THSD7A: variants seen among roughly 807,000 people sequenced by gnomAD.
The protein encoded by THSD7A is thrombospondin type 1 domain containing 7A, also known as thrombospondin type-1 domain-containing protein 7A.
THSD7A carries 96 observed loss-of-function variants against 231.3 expected under a neutral mutation model. The observed-to-expected ratio is 0.41, with a 90% CI of 0.35 to 0.49. The LOEUF (loss-of-function observed/expected upper bound fraction) is 0.49. Ranked by LOEUF, THSD7A falls within the 20% of genes least tolerant of loss-of-function variation. The probability of loss-of-function intolerance (pLI) is 0.05; values close to 1 mark genes in which losing one functional copy is unlikely to be tolerated. For missense variants in THSD7A, 2,290 were observed against 2,070.2 expected (o/e 1.11, Z -2.06); for synonymous variants, 940 against 743.3 (o/e 1.26, Z -4.30).
chr7:11,784,794 T>C (rs950125405), intron 1 of THSD7A, among the ~76,000 whole-genome samples: 34 of 152,118 alleles, frequency 2.2e-4, no homozygotes, highest in Admixed American at 2.1e-3. Flanking sequence ...TTTTTGAATA[T>C]ATATTGTTGC....
At chr7:11,498,515 G>T (rs1447914706) in intron 6 of THSD7A, among the ~76,000 whole-genome samples, 4 of 152,168 alleles carry the variant, frequency 2.6e-5, no homozygotes. Flanking sequence ...GGAAGGGTGG[G>T]CCACCATCTT....
chr7:11,678,020 T>A (rs1466191521), intron 1 of THSD7A, among the ~76,000 whole-genome samples: 1 of 152,048 alleles, frequency 6.6e-6, no homozygotes, highest in Non-Finnish European at 1.5e-5. Context: ...GCAATCAAAT[T>A]AGAACTCAGG....
chr7:11,429,079 C>A lies in THSD7A; in HGVS notation c.3111G>T (p.Lys1037Asn). The change falls in exon 14 of 28, where the codon AAG becomes AAT. Residue 1037 changes from lysine (K) to asparagine (N), a missense_variant. By Grantham distance (94) the Lys-to-Asn change is moderately conservative. Coordinates refer to ENST00000423059, the MANE Select transcript of THSD7A (RefSeq NM_015204.3). ...ACIIPCPSDC[K>N]LSEWSNWSRC... ...GCGACCAGTTGGACCACTCACTGAGCTTGCAGTCTGAGGGGCAGGGGATGA... is the reference window on the plus strand; with the variant it reads ...GCGACCAGTTGGACCACTCACTGAGATTGCAGTCTGAGGGGCAGGGGATGA... The A allele has an allele frequency of 6.2e-7, 1 of 1,611,446 alleles. No individual in the cohort carries two copies. The highest frequency in any genetic ancestry group is 2.2e-5 in the East Asian group (1 of 44,772).
chr7:11,481,387 T>C (rs1014509767), intron 7 of THSD7A, among the ~76,000 whole-genome samples: 1 of 152,162 alleles, frequency 6.6e-6, no homozygotes, highest in African/African-American at 2.4e-5. Flanking sequence ...TGGATATATA[T>C]ACTTATTTAT....
chr7:11,758,394 C>G (rs190620733), intron 1 of THSD7A, among the ~76,000 whole-genome samples: 21 of 152,020 alleles, frequency 1.4e-4, no homozygotes, highest in South Asian at 8.3e-4. Flanking sequence ...CAGAGGAACT[C>G]AGATGCAGAA....
At chr7:11,417,724 G>A in intron 16 of THSD7A, 121 bp from the exon 17 acceptor site, 1 of 980,572 alleles carries the variant, frequency 1.0e-6, no homozygotes, top group Non-Finnish European at 1.4e-6. Flanking sequence ...TCGTTATGGG[G>A]GTGGGGAGTA....
At chr7:11,739,304 A>G (rs887890445) in intron 1 of THSD7A, among the ~76,000 whole-genome samples, 2 of 152,022 alleles carry the variant, frequency 1.3e-5, no homozygotes, top group Non-Finnish European at 2.9e-5. Flanking sequence ...TGGAATTAAA[A>G]TTTAAGACAG....
intron 1 of THSD7A, among the ~76,000 whole-genome samples, chr7:11,803,708 A>G (rs1468530116): frequency 1.3e-5 from 2 of 152,126 alleles, no homozygotes; most frequent in Non-Finnish European, 2.9e-5. Flanking sequence ...CTTTAATTCT[A>G]TGTATTGTTT....
intron 4 of THSD7A, among the ~76,000 whole-genome samples, chr7:11,565,319 A>C (rs530228562): frequency 6.6e-6 from 1 of 152,340 alleles, no homozygotes; most frequent in African/African-American, 2.4e-5. Flanking sequence ...AAAGTTCTGC[A>C]AACAGCTCCA....
Position 11,769,159 on chromosome 7 carries a change from T to A in THSD7A, c.190+62598A>T, listed in dbSNP as rs1172654466. Among the ~76,000 whole-genome samples, 38 of 86,398 alleles carry A rather than the reference T, an allele frequency of 4.4e-4. 1 individual carries two copies. Among genetic ancestry groups the A allele is most frequent in the East Asian group, 1.0e-3 (3 of 2,968 alleles). The allele number at this position is 86,398 out of a possible 152,430, so 56.7% of individuals were successfully genotyped here. A position where few individuals can be genotyped will look rare whatever the true frequency, so the allele number is the denominator to read the frequency against. Reference sequence around the variant, plus strand: ...TATATATATATATATATATATTTTTTTTTTTTTTTGGTATTTTTGTAGAGA... The same window carrying A: ...TATATATATATATATATATATTTTTATTTTTTTTTGGTATTTTTGTAGAGA... On this transcript the variant is annotated intron_variant, in intron 1 of 27. Transcript: ENST00000423059.
chr7:11,503,783 G>C (rs1421856699), intron 6 of THSD7A, among the ~76,000 whole-genome samples: 1 of 152,168 alleles, frequency 6.6e-6, no homozygotes, highest in African/African-American at 2.4e-5. Flanking sequence ...CAGTCAGAAT[G>C]ACTATTATTA....
At chr7:11,652,219 A>G (rs1455977198) in intron 1 of THSD7A, among the ~76,000 whole-genome samples, 1 of 151,892 alleles carries the variant, frequency 6.6e-6, no homozygotes, top group Non-Finnish European at 1.5e-5. Flanking sequence ...CTAAAGTTGT[A>G]CAGCAATTAA....
chr7:11,605,128 T>C (rs1269079813), intron 2 of THSD7A, among the ~76,000 whole-genome samples: 1 of 152,088 alleles, frequency 6.6e-6, no homozygotes, highest in African/African-American at 2.4e-5. Flanking sequence ...AATGCTTTAC[T>C]TAGAATTGAC....
At chr7:11,544,624 T>A (rs1789297701) in intron 4 of THSD7A, among the ~76,000 whole-genome samples, 1 of 152,196 alleles carries the variant, frequency 6.6e-6, no homozygotes, top group African/African-American at 2.4e-5. Context: ...TGAAGACAAA[T>A]TGTAAGCACT....
intron 1 of THSD7A, among the ~76,000 whole-genome samples, chr7:11,813,681 C>G (rs1480665568): frequency 1.3e-5 from 2 of 151,466 alleles, no homozygotes; most frequent in Non-Finnish European, 2.9e-5. Context: ...CCACCGCACT[C>G]TAGCCTGGGC....
chr7:11,777,607 C>T (rs1783456453), intron 1 of THSD7A, among the ~76,000 whole-genome samples: 2 of 152,092 alleles, frequency 1.3e-5, no homozygotes, highest in Admixed American at 1.3e-4. Flanking sequence ...CTACATTTTA[C>T]CTATTTCTGT....
intron 4 of THSD7A, among the ~76,000 whole-genome samples, chr7:11,563,306 G>A (rs1355510719): frequency 6.6e-6 from 1 of 152,016 alleles, no homozygotes; most frequent in Non-Finnish European, 1.5e-5. Context: ...TATTTAATGC[G>A]CTTCAAAGCT....
At chr7:11,791,003 T>C (rs552273805) in intron 1 of THSD7A, among the ~76,000 whole-genome samples, 1 of 152,114 alleles carries the variant, frequency 6.6e-6, no homozygotes, top group East Asian at 1.9e-4. Flanking sequence ...TTCATGGTAT[T>C]GTGAAGAATA....
At chr7:11,694,617 C>T (rs1350728610) in intron 1 of THSD7A, among the ~76,000 whole-genome samples, 1 of 151,484 alleles carries the variant, frequency 6.6e-6, no homozygotes, top group Non-Finnish European at 1.5e-5. Flanking sequence ...AAGGATTGTT[C>T]ATTACACTGC....
Sources: gnomAD v4.1 joint callset for allele counts (sites outside exome capture counted in the v4.1 genomes callset) on GRCh38, gnomAD v4.1.1 for gene constraint, MANE v1.5 for transcripts, NCBI Gene and HGNC (gene_info 2026-07-23, HGNC 2026-07-21) for gene names.